The following DPY19L2 variants were observed in gnomAD, a reference collection of about 807,000 sequenced individuals.
DPY19L2 encodes the protein dpy-19 like 2.
In DPY19L2, 34 loss-of-function variants were observed where a neutral mutation model predicts 97.9. The observed-to-expected ratio is 0.35, with a 90% CI of 0.26 to 0.46. The LOEUF (loss-of-function observed/expected upper bound fraction) is 0.46, where lower values mean the gene tolerates loss of function less well. Ranked by LOEUF, DPY19L2 falls within the 20% of genes least tolerant of loss-of-function variation. The pLI, the probability that DPY19L2 is intolerant of heterozygous loss-of-function variation, is 1.00. For missense variants in DPY19L2, 623 were observed against 911.4 expected (o/e 0.68, Z 4.07); for synonymous variants, 230 against 307.9 (o/e 0.75, Z 2.65).
In DPY19L2 at chr12:63,646,978, A is replaced by G. The variant is rs555391774; in HGVS notation, c.709+267T>C. 2.6e-5 allele frequency among the ~76,000 whole-genome samples: 4 copies of G among 152,268 alleles called. No homozygotes were observed. The East Asian group carries it at 7.7e-4, about 29-fold the overall frequency. The stretch of plus-strand genomic sequence containing the variant: ...AAAAAACATCTTTCTGTATCTTCTC[A>G]TTCTGAAATAGAAGACTAACTTATA... On this transcript the variant is annotated intron_variant, in intron 5 of 21. Transcript: ENST00000324472.
upstream of DPY19L2, chr12:63,668,691 C>T (rs1287758716): frequency 7.7e-6 from 3 of 391,126 alleles, no homozygotes; most frequent in South Asian, 3.1e-5. Flanking sequence ...CACAGCCCCC[C>T]ACACCCTCCC....
In DPY19L2 at chr12:63,570,841, A is replaced by G. The variant is rs750040212; in HGVS notation, c.1917T>C (p.Gly639=). The G allele has an allele frequency of 1.0e-5, 16 of 1,605,892 alleles. No individual in the cohort carries two copies. Among genetic ancestry groups the G allele is most frequent in the Middle Eastern group, 1.7e-4 (1 of 6,048 alleles). Residue 639 remains glycine, a synonymous_variant, in exon 20 of 22, where the codon GGT becomes GGC. Transcript: ENST00000324472. ...TGATGCTTGCCATTGTAGGCATGGC[A>G]CCTGCAAAGACAGCATCTGAAAAAA... is the stretch of plus-strand genomic sequence containing the variant. ...YSTTSDAVFA[G]AMPTMASIKL...
intron 19 of DPY19L2, among the ~76,000 whole-genome samples, chr12:63,572,369 T>G (rs1879028416): frequency 6.6e-6 from 1 of 152,086 alleles, no homozygotes. Flanking sequence ...TGGGAAGGAC[T>G]TTGTCTGGTG....
intron 21 of DPY19L2, among the ~76,000 whole-genome samples, chr12:63,562,202 G>T (rs1195128460): frequency 6.6e-6 from 1 of 152,024 alleles, no homozygotes; most frequent in Non-Finnish European, 1.5e-5. Context: ...TAAAACAGCA[G>T]CCACAATAAA....
At chr12:63,599,625 T>C (rs1363593929) in intron 13 of DPY19L2, among the ~76,000 whole-genome samples, 3 of 152,174 alleles carry the variant, frequency 2.0e-5, no homozygotes, top group Non-Finnish European at 2.9e-5. Flanking sequence ...TATTATATGA[T>C]ATACTCATGT....
intron 18 of DPY19L2, 98 bp from the exon 19 acceptor site, chr12:63,580,934 A>G (rs1408610289): frequency 2.4e-6 from 3 of 1,235,586 alleles, no homozygotes; most frequent in African/African-American, 1.5e-5. Context: ...AATGTGAATT[A>G]CCCTTTGATA....
chr12:63,636,992 GCAC>G (rs1392317245), intron 6 of DPY19L2, among the ~76,000 whole-genome samples: 1 of 152,108 alleles, frequency 6.6e-6, no homozygotes, highest in Non-Finnish European at 1.5e-5. Context: ...ATTCTTCTCA[GCAC>G]CACATCGTAC....
rs150709777 is a variant in DPY19L2, at chr12:63,605,499, A to G, written c.1278+3117T>C. 2.0e-3 allele frequency among the ~76,000 whole-genome samples: 300 copies of G among 152,306 alleles called. 1 individual carries two copies. The highest frequency in any genetic ancestry group is 7.0e-3 in the African/African-American group (290 of 41,572). Reference sequence around the variant, plus strand: ...ATAGCATTAGGCTGGGATTGGAGCTATAGTTATGAAATCATGATTTCATAC... The same window carrying G: ...ATAGCATTAGGCTGGGATTGGAGCTGTAGTTATGAAATCATGATTTCATAC... On this transcript the variant is annotated intron_variant, in intron 12 of 21. Coordinates refer to ENST00000324472, the MANE Select transcript of DPY19L2 (RefSeq NM_173812.5).
At chr12:63,562,798 C>CT (rs59380942) in intron 21 of DPY19L2, among the ~76,000 whole-genome samples, 30,954 of 139,440 alleles carry the variant, frequency 0.22, 3,876 homozygotes, top group African/African-American at 0.34. Flanking sequence ...TCCTTTTGTC[C>CT]TTTTTTTTTT....
chr12:63,582,475 T>G lies in DPY19L2; in HGVS notation c.1656A>C (p.Leu552Phe), dbSNP rs752764158. Reference protein sequence around the residue: ...QLLVFTALAILIMRLKMFLTP... With the variant: ...QLLVFTALAIFIMRLKMFLTP... ...TCAAAAACATCTTTAGCCTCATAAT[T>G]AAAATGGCAAGGGCAGTAAACACTA... The change falls in exon 18 of 22, where the codon TTA becomes TTC. Residue 552 changes from leucine (L) to phenylalanine (F), a missense_variant. Leu to Phe is a conservative substitution (Grantham distance 22, BLOSUM62 0). Coordinates refer to ENST00000324472, the MANE Select transcript of DPY19L2 (RefSeq NM_173812.5). 1 of 1,613,598 alleles carries G rather than the reference T, an allele frequency of 6.2e-7. No homozygotes were observed. The highest frequency in any genetic ancestry group is 1.1e-5 in the South Asian group (1 of 91,024).
chr12:63,571,242 C>A (rs938409392), intron 19 of DPY19L2, among the ~76,000 whole-genome samples: 28 of 152,040 alleles, frequency 1.8e-4, no homozygotes, highest in Admixed American at 9.2e-4. Flanking sequence ...CACCCCCTAC[C>A]CCCAATTCTG....
chr12:63,582,275 A>G (rs888065838), intron 18 of DPY19L2, 131 bp downstream of exon 18: 2 of 895,236 alleles, frequency 2.2e-6, no homozygotes, highest in Non-Finnish European at 3.2e-6. Flanking sequence ...AATATTTTAA[A>G]TCATTTAACT....
At chr12:63,642,292 G>A (rs543174349) in intron 6 of DPY19L2, among the ~76,000 whole-genome samples, 1 of 152,128 alleles carries the variant, frequency 6.6e-6, no homozygotes, top group East Asian at 1.9e-4. Flanking sequence ...TCACTTTGTG[G>A]TTTATTTTTT....
In DPY19L2 at chr12:63,591,834, C is replaced by T. The variant is rs1246198037; in HGVS notation, c.1580+2253G>A. On this transcript the variant is annotated intron_variant, in intron 16 of 21. Coordinates refer to ENST00000324472, the MANE Select transcript of DPY19L2 (RefSeq NM_173812.5). ...GATGCACACCTGTAGTCCCAGCTGACTGGCAGAGCTGAGATGAGATGATCG... is the reference window on the plus strand; with the variant it reads ...GATGCACACCTGTAGTCCCAGCTGATTGGCAGAGCTGAGATGAGATGATCG... Among the ~76,000 whole-genome samples the T allele has an allele frequency of 7.3e-5, 11 of 150,968 alleles. No homozygotes were observed. In the South Asian group the frequency reaches 2.3e-3, roughly 32 times the overall value.
chr12:63,639,101 G>A (rs549954631), intron 6 of DPY19L2, among the ~76,000 whole-genome samples: 4 of 152,172 alleles, frequency 2.6e-5, no homozygotes, highest in Admixed American at 6.5e-5. Context: ...CAAGCAATGC[G>A]GAAAGGATTC....
chr12:63,590,324 C>G (rs1452493415), intron 16 of DPY19L2, among the ~76,000 whole-genome samples: 2 of 152,090 alleles, frequency 1.3e-5, no homozygotes, highest in Non-Finnish European at 2.9e-5. Flanking sequence ...AATGGACACT[C>G]TCATCATTAT....
chr12:63,587,557 A>AATTATTATTATTATTATTATT (rs201195590), intron 16 of DPY19L2, among the ~76,000 whole-genome samples: 238 of 136,234 alleles, frequency 1.7e-3, no homozygotes, highest in Non-Finnish European at 2.3e-3. Context: ...CATTTTTAAA[A>AATTATTATTATTATTATTATT]ATTATTATTA....
chr12:63,612,187 AC>A (rs1887119887), intron 11 of DPY19L2, among the ~76,000 whole-genome samples: 1 of 152,010 alleles, frequency 6.6e-6, no homozygotes, highest in South Asian at 2.1e-4. Context: ...CAGGAAACAT[AC>A]CTTTCAAAAA....
chr12:63,587,784 G>T (rs1441109454), intron 16 of DPY19L2, among the ~76,000 whole-genome samples: 1 of 151,950 alleles, frequency 6.6e-6, no homozygotes, highest in Non-Finnish European at 1.5e-5. Flanking sequence ...TGTTGGCCAG[G>T]ATGGTCTCGA....
Sources: gnomAD v4.1 joint callset for allele counts (sites outside exome capture counted in the v4.1 genomes callset) on GRCh38, gnomAD v4.1.1 for gene constraint, MANE v1.5 for transcripts, NCBI Gene and HGNC (gene_info 2026-07-23, HGNC 2026-07-21) for gene names.